Variants in TOP1 observed in about 807,000 individuals in gnomAD.
The protein encoded by TOP1 is DNA topoisomerase 1.
A neutral mutation model predicts 111.1 loss-of-function variants in TOP1; 10 were observed. That is an observed-to-expected ratio of 0.09 (90% CI 0.06 to 0.15). The LOEUF is 0.15. Ranked by LOEUF, TOP1 falls within the 10% of genes least tolerant of loss-of-function variation. The pLI, the probability that TOP1 is intolerant of heterozygous loss-of-function variation, is 1.00. For synonymous variants in TOP1, 271 were observed against 302.9 expected (o/e 0.89, Z 1.10); for missense variants, 474 against 926.7 (o/e 0.51, Z 6.34).
chr20:41,096,217 C>G (rs551209625), intron 9 of TOP1, among the ~76,000 whole-genome samples: 5 of 152,306 alleles, frequency 3.3e-5, no homozygotes, highest in Non-Finnish European at 5.9e-5. Context: ...CAGGCTCCCA[C>G]CACCACGCCC....
chr20:41,097,143 G>A lies in TOP1; in HGVS notation c.731-77G>A. ...TGAGAAGGCAAACCATTATTAAAGAGAATTCGCTAGCCCTGGGTATTTATG... is the reference window on the plus strand; with the variant it reads ...TGAGAAGGCAAACCATTATTAAAGAAAATTCGCTAGCCCTGGGTATTTATG... On this transcript the variant is annotated intron_variant, in intron 9 of 20. Transcript: ENST00000361337. The surrounding 1 kb of genome is among the most constrained non-coding windows in gnomAD (Gnocchi z 4.2). 1 of 1,521,662 alleles carries A rather than the reference G, an allele frequency of 6.6e-7. No individual in the cohort carries two copies. Among genetic ancestry groups the A allele is most frequent in the East Asian group, 2.3e-5 (1 of 44,210 alleles). 94.3% of individuals were successfully genotyped at this position (1,521,662 alleles called of 1,614,324 possible). A position where few individuals can be genotyped will look rare whatever the true frequency, so the allele number is the denominator to read the frequency against.
chr20:41,119,524 G>A (rs1201741056), intron 18 of TOP1, among the ~76,000 whole-genome samples: 4 of 152,154 alleles, frequency 2.6e-5, no homozygotes, highest in Admixed American at 1.3e-4. Flanking sequence ...TCTCATCCAA[G>A]TTCATGGAAT....
At chr20:41,087,447 G>C (rs536596941) in intron 8 of TOP1, among the ~76,000 whole-genome samples, 16 of 152,230 alleles carry the variant, frequency 1.1e-4, no homozygotes, top group Non-Finnish European at 2.1e-4. Context: ...TACCTGGCGA[G>C]TTTATTGCAG....
chr20:41,104,964 C>T (rs1001458162), intron 13 of TOP1, among the ~76,000 whole-genome samples: 1 of 152,142 alleles, frequency 6.6e-6, no homozygotes, highest in African/African-American at 2.4e-5. Context: ...ACATTTCAAA[C>T]ATACAGGAAT....
chr20:41,105,803 CTT>C (rs2145957435), intron 13 of TOP1, among the ~76,000 whole-genome samples: 1 of 152,290 alleles, frequency 6.6e-6, no homozygotes, highest in South Asian at 2.1e-4. Context: ...CCTCTATTCT[CTT>C]GTTAAGAGGC....
chr20:41,076,351 G>GA, intron 4 of TOP1, 57 bp downstream of exon 4: 4 of 1,552,798 alleles, frequency 2.6e-6, no homozygotes, highest in Non-Finnish European at 3.5e-6. Context: ...GTTTACCTTT[G>GA]AAAGCAGATA....
rs2034311713 is a variant in TOP1 at position 41,115,293 on chromosome 20, T to C, written c.1639-78T>C. The C allele has an allele frequency of 3.0e-6, 3 of 993,776 alleles. No homozygotes were observed. The highest frequency in any genetic ancestry group is 4.7e-6 in the Non-Finnish European group (3 of 643,154). 61.6% of individuals were successfully genotyped at this position (993,776 alleles called of 1,614,324 possible). The stretch of plus-strand genomic sequence containing the variant: ...TTCCTTGTGCCTTTTTCTTTGCAAG[T>C]TTCTTTAAGTTTGGGGTTATTTCTA... On this transcript the variant is annotated intron_variant, in intron 15 of 20. Transcript: ENST00000361337. The surrounding 1 kb of genome is among the most constrained non-coding windows in gnomAD (Gnocchi z 6.3).
chr20:41,086,536 T>C (rs941222904), intron 8 of TOP1, among the ~76,000 whole-genome samples: 1 of 152,232 alleles, frequency 6.6e-6, no homozygotes, highest in African/African-American at 2.4e-5. Flanking sequence ...TGTCTCCCCT[T>C]TACTTCGGAG....
At position 41,071,737 on chromosome 20, in the gene TOP1, T is replaced by A. The variant is rs939306549; in HGVS notation, c.156-4434T>A. Among the ~76,000 whole-genome samples the A allele has an allele frequency of 6.6e-6, 1 of 152,224 alleles. No homozygotes were observed. The highest frequency in any genetic ancestry group is 6.5e-5 in the Admixed American group (1 of 15,284). ...GGTGGCTTTGGATCTTTCCATTTGT[T>A]CTCTTTAGCGCTGACTTTTGCTTTC... On this transcript the variant is annotated intron_variant, in intron 3 of 20. Coordinates refer to ENST00000361337, the MANE Select transcript of TOP1 (RefSeq NM_003286.4). The surrounding 1 kb of genome is among the most constrained non-coding windows in gnomAD (Gnocchi z 4.3).
chr20:41,088,717 T>C (rs1431927268), intron 8 of TOP1, among the ~76,000 whole-genome samples: 1 of 152,136 alleles, frequency 6.6e-6, no homozygotes, highest in East Asian at 1.9e-4. Context: ...TTTCCTGCAT[T>C]GAGATCCTTC....
In TOP1 at chr20:41,061,453, AAGG is replaced by A; in HGVS notation, c.121_123del (p.Glu41del). On this transcript the variant is annotated inframe_deletion, in exon 3 of 21. Transcript: ENST00000361337. This position sits in a 1 kb window ranked among gnomAD's most constrained non-coding sequence, Gnocchi z 4.6. ...AGAACACCGGCACAAAGAACACAAG[AAGG>A]AGAAGGACCGGGAAAAGTCCAAGCA... 3.7e-6 allele frequency: 6 copies of A among 1,612,562 alleles called. No individual in the cohort carries two copies. The highest frequency in any genetic ancestry group is 1.7e-5 in the Admixed American group (1 of 59,762).
chr20:41,089,020 C>CTTTTTTTTTTTTTTTTTTTTTTTTTTTT lies in TOP1; in HGVS notation c.615-3430_615-3429insTTTTTTTTTTTTTTTTTTTTTTTTTTTT, dbSNP rs59200685. Among the ~76,000 whole-genome samples the CTTTTTTTTTTTTTTTTTTTTTTTTTTTT allele has an allele frequency of 2.2e-4, 17 of 77,896 alleles. 3 individuals are homozygous for CTTTTTTTTTTTTTTTTTTTTTTTTTTTT. The highest frequency in any genetic ancestry group is 7.6e-4 in the African/African-American group (12 of 15,820). 51.1% of individuals were successfully genotyped at this position (77,896 alleles called of 152,430 possible). On this transcript the variant is annotated intron_variant, in intron 8 of 20. Coordinates refer to ENST00000361337, the MANE Select transcript of TOP1 (RefSeq NM_003286.4). ...TCCCCACTTCTCTGTTGCCCCAGTT[C>CTTTTTTTTTTTTTTTTTTTTTTTTTTTT]TTTTTTTTTTTTTTTTTTTTTTGAG...
intron 2 of TOP1, among the ~76,000 whole-genome samples, chr20:41,040,219 T>A (rs767559153): frequency 6.6e-6 from 1 of 152,256 alleles, no homozygotes; most frequent in Non-Finnish European, 1.5e-5. Flanking sequence ...ATAAAAGCTG[T>A]TAAAGCTCTT....
Position 41,038,615 on chromosome 20 carries a change from G to A in TOP1, c.58+9160G>A, listed in dbSNP as rs116081232. On this transcript the variant is annotated intron_variant, in intron 2 of 20. Coordinates refer to ENST00000361337, the MANE Select transcript of TOP1 (RefSeq NM_003286.4). ...GGTACTGACTTGCTTTGACTTTGCG[G>A]CAACTTCAGTTGTCCAGTGACAAGG... Among the ~76,000 whole-genome samples the A allele has an allele frequency of 3.6e-3, 548 of 152,274 alleles. 5 individuals are homozygous for A. Among genetic ancestry groups the A allele is most frequent in the African/African-American group, 0.013 (524 of 41,548 alleles).
intron 9 of TOP1, among the ~76,000 whole-genome samples, chr20:41,093,294 A>G (rs1487663332): frequency 1.3e-5 from 2 of 152,158 alleles, no homozygotes; most frequent in South Asian, 2.1e-4. Context: ...TCTTCATTCC[A>G]TGAGTTTTAT....
At chr20:41,062,493 A>G (rs1186170288) in intron 3 of TOP1, among the ~76,000 whole-genome samples, 1 of 152,132 alleles carries the variant, frequency 6.6e-6, no homozygotes, top group Non-Finnish European at 1.5e-5. Flanking sequence ...TCACTTGATC[A>G]TCTAGTTTCC....
chr20:41,089,020 C>CTTTTTTTTT lies in TOP1; in HGVS notation c.615-3438_615-3430dup, dbSNP rs59200685. Among the ~76,000 whole-genome samples the CTTTTTTTTT allele has an allele frequency of 9.5e-3, 740 of 77,858 alleles. 126 individuals are homozygous for CTTTTTTTTT. The highest frequency in any genetic ancestry group is 0.029 in the African/African-American group (464 of 15,800). The allele number at this position is 77,858 out of a possible 152,430, so 51.1% of individuals were successfully genotyped here. ...TCCCCACTTCTCTGTTGCCCCAGTT[C>CTTTTTTTTT]TTTTTTTTTTTTTTTTTTTTTTGAG... On this transcript the variant is annotated intron_variant, in intron 8 of 20. Coordinates refer to ENST00000361337, the MANE Select transcript of TOP1 (RefSeq NM_003286.4).
Position 41,067,972 on chromosome 20 carries a change from C to CT in TOP1, c.155+6483dup, listed in dbSNP as rs2033627493. Among the ~76,000 whole-genome samples the CT allele has an allele frequency of 6.6e-6, 1 of 152,192 alleles. No homozygotes were observed. The highest frequency in any genetic ancestry group is 2.4e-5 in the African/African-American group (1 of 41,442). On this transcript the variant is annotated intron_variant, in intron 3 of 20. Transcript: ENST00000361337. The surrounding 1 kb of genome is among the most constrained non-coding windows in gnomAD (Gnocchi z 4.0). ...GGACAGGAGTCTGAGGTCACATGCT[C>CT]TAAGTCCCACAGTGATGTGGTAGCA...
rs2033797540 is a variant in TOP1 at position 41,082,283 on chromosome 20, T to G, written c.507+1043T>G. 6.6e-6 allele frequency among the ~76,000 whole-genome samples: 1 copy of G among 152,206 alleles called. No individual in the cohort carries two copies. Among genetic ancestry groups the G allele is most frequent in the Non-Finnish European group, 1.5e-5 (1 of 68,024 alleles). ...ATAGAATGATGTTAATAATCACAATTAAATGTAATAGGTGCTTACCATGTG... is the reference window on the plus strand; with the variant it reads ...ATAGAATGATGTTAATAATCACAATGAAATGTAATAGGTGCTTACCATGTG... On this transcript the variant is annotated intron_variant, in intron 7 of 20. Coordinates refer to ENST00000361337, the MANE Select transcript of TOP1 (RefSeq NM_003286.4). The surrounding 1 kb of genome is among the most constrained non-coding windows in gnomAD (Gnocchi z 4.1).
Sources: allele counts gnomAD v4.1 joint callset (sites outside exome capture counted in the v4.1 genomes callset), GRCh38; gene constraint gnomAD v4.1.1; non-coding constraint Gnocchi (gnomAD v3.1); transcripts MANE v1.5; gene names NCBI Gene and HGNC (gene_info 2026-07-23, HGNC 2026-07-21).